Variants in ZFPM1 observed in about 807,000 individuals in gnomAD.
ZFPM1 encodes the protein zinc finger protein, FOG family member 1.
In ZFPM1, 28 loss-of-function variants were observed where a neutral mutation model predicts 46.3. The ratio of observed to expected loss-of-function variants is 0.60; its 90% CI spans 0.45 to 0.83. ZFPM1 has a LOEUF of 0.83. Ranked by LOEUF, ZFPM1 falls within the 40% of genes least tolerant of loss-of-function variation. ZFPM1 has a pLI of 0.00. For synonymous variants in ZFPM1, 957 were observed against 675.9 expected, an observed-to-expected ratio of 1.42 and a Z score of -6.45; for missense variants, 1,878 against 1,432.4, an observed-to-expected ratio of 1.31 and a Z score of -5.02.
chr16:88,531,961 G>A, intron 6 of ZFPM1, 41 bp from the exon 7 acceptor site: 2 of 1,545,700 alleles, frequency 1.3e-6, no homozygotes, highest in Non-Finnish European at 1.8e-6. Flanking sequence ...TGGCTGGCAG[G>A]CTGGCCTTCA....
At chr16:88,483,880 G>A (rs1597241037) in intron 1 of ZFPM1, among the ~76,000 whole-genome samples, 1 of 152,230 alleles carries the variant, frequency 6.6e-6, no homozygotes, top group East Asian at 1.9e-4. Context: ...CCGCCTCCCT[G>A]CTGCATGGAA....
In ZFPM1 at chr16:88,526,930, G is replaced by A. The variant is rs908176877; in HGVS notation, c.505+14G>A. 8.7e-5 allele frequency: 136 copies of A among 1,555,816 alleles called. No homozygotes were observed. Among genetic ancestry groups the A allele is most frequent in the Middle Eastern group, 6.7e-4 (4 of 6,010 alleles). ...TCCACAGGAAGGGTCAGTATGACGC[G>A]GCACCTCCGTCCCAAGCCTTCCGGA... On this transcript the variant is annotated intron_variant, in intron 5 of 9. Transcript: ENST00000319555.
intron 1 of ZFPM1, among the ~76,000 whole-genome samples, chr16:88,474,394 T>A (rs1056954865): frequency 6.6e-6 from 1 of 152,054 alleles, no homozygotes; most frequent in African/African-American, 2.4e-5. Context: ...CCGGCCAGGG[T>A]TCCCCCAGCA....
chr16:88,476,345 C>T (rs1309194317), intron 1 of ZFPM1, among the ~76,000 whole-genome samples: 1 of 152,220 alleles, frequency 6.6e-6, no homozygotes, highest in Non-Finnish European at 1.5e-5. Context: ...TGTCCATCAG[C>T]ATTTGCTGGG....
chr16:88,486,110 C>T (rs1271770885), intron 2 of ZFPM1, 67 bp downstream of exon 2: 3 of 1,473,154 alleles, frequency 2.0e-6, no homozygotes, highest in African/African-American at 2.8e-5. Flanking sequence ...CGTACCATGC[C>T]CTCAGAGCTC....
intron 3 of ZFPM1, among the ~76,000 whole-genome samples, chr16:88,491,658 G>A (rs570961088): frequency 3.2e-4 from 48 of 152,336 alleles, no homozygotes; most frequent in African/African-American, 9.6e-4. Flanking sequence ...GGGAAGGGCC[G>A]GGCCCCTGAG....
intron 3 of ZFPM1, among the ~76,000 whole-genome samples, chr16:88,490,650 C>G (rs980223146): frequency 6.6e-6 from 1 of 152,194 alleles, no homozygotes; most frequent in Admixed American, 6.5e-5. Context: ...TTAACGCTGC[C>G]CCTTCCCACA....
In ZFPM1 at chr16:88,480,961, C is replaced by T. The variant is rs1006841922; in HGVS notation, c.41-4978C>T. On this transcript the variant is annotated intron_variant, in intron 1 of 9. Coordinates refer to ENST00000319555, the MANE Select transcript of ZFPM1 (RefSeq NM_153813.3). The surrounding 1 kb of genome is among the most constrained non-coding windows in gnomAD (Gnocchi z 4.9). ...ACTTGGAAGGGAGCTGGGATCATCCCGCTGCACAGAGCCAGCTCCATAATT... is the reference window on the plus strand; with the variant it reads ...ACTTGGAAGGGAGCTGGGATCATCCTGCTGCACAGAGCCAGCTCCATAATT... Among the ~76,000 whole-genome samples, 1 of 152,204 alleles carries T rather than the reference C, an allele frequency of 6.6e-6. No homozygotes were observed. Among genetic ancestry groups the T allele is most frequent in the African/African-American group, 2.4e-5 (1 of 41,446 alleles).
intron 3 of ZFPM1, among the ~76,000 whole-genome samples, chr16:88,491,016 CGGG>C (rs1909536167): frequency 2.0e-5 from 3 of 151,028 alleles, no homozygotes; most frequent in African/African-American, 7.3e-5. Flanking sequence ...CTGGTGCCTT[CGGG>C]GCTCTCGGTC....
chr16:88,489,458 A>G, intron 3 of ZFPM1: 1 of 337,590 alleles, frequency 3.0e-6, no homozygotes, highest in Non-Finnish European at 5.4e-6. Flanking sequence ...AAGAATCCTC[A>G]GAGGCAGGAA....
chr16:88,489,542 C>T lies in ZFPM1; in HGVS notation c.268+389C>T, dbSNP rs557773394. ...TGGCCTTCCCAGCTGGGCCGGGATTCAGAGCTGTGCTGAGGTGCCCAGGCA... is the reference window on the plus strand; with the variant it reads ...TGGCCTTCCCAGCTGGGCCGGGATTTAGAGCTGTGCTGAGGTGCCCAGGCA... On this transcript the variant is annotated intron_variant, in intron 3 of 9. Coordinates refer to ENST00000319555, the MANE Select transcript of ZFPM1 (RefSeq NM_153813.3). 1.8e-3 allele frequency among the ~76,000 whole-genome samples: 281 copies of T among 152,304 alleles called. 1 individual carries two copies. Among genetic ancestry groups the T allele is most frequent in the African/African-American group, 6.4e-3 (264 of 41,564 alleles).
chr16:88,527,606 C>G (rs148889494), intron 5 of ZFPM1, among the ~76,000 whole-genome samples: 8 of 152,148 alleles, frequency 5.3e-5, no homozygotes, highest in Non-Finnish European at 8.8e-5. Context: ...CCCGCGCAGC[C>G]TGGGCTTTGT....
chr16:88,466,923 C>T (rs540494741), intron 1 of ZFPM1, among the ~76,000 whole-genome samples: 1 of 152,050 alleles, frequency 6.6e-6, no homozygotes, highest in East Asian at 1.9e-4. Context: ...GGTAAAGCAT[C>T]TGGGGCCCTT....
chr16:88,493,374 GGGGTGGGGAGAGCTGTCCCA>G (rs1413935622), intron 3 of ZFPM1, among the ~76,000 whole-genome samples: 1 of 144,526 alleles, frequency 6.9e-6, no homozygotes, highest in Non-Finnish European at 1.5e-5. Flanking sequence ...GAGCTGTCCC[GGGGTGGGGAGAGCTGTCCCA>G]GGGTGCAGGA....
intron 1 of ZFPM1, among the ~76,000 whole-genome samples, chr16:88,474,473 G>A (rs1030571823): frequency 2.6e-5 from 4 of 152,076 alleles, no homozygotes; most frequent in Non-Finnish European, 4.4e-5. Flanking sequence ...GGCTTCTCAC[G>A]GTGCCCAGAA....
At chr16:88,493,761 C>G (rs1280059376) in intron 3 of ZFPM1, among the ~76,000 whole-genome samples, 1 of 152,112 alleles carries the variant, frequency 6.6e-6, no homozygotes, top group Non-Finnish European at 1.5e-5. Flanking sequence ...CCACCCCAGC[C>G]CCTTCCTGGC....
chr16:88,515,906 A>G (rs1911268198), intron 4 of ZFPM1, among the ~76,000 whole-genome samples: 1 of 152,118 alleles, frequency 6.6e-6, no homozygotes, highest in Non-Finnish European at 1.5e-5. Context: ...TATGGTTGCC[A>G]GGAGGAATGA....
chr16:88,498,780 T>C (rs1169663700), intron 3 of ZFPM1, among the ~76,000 whole-genome samples: 1 of 152,230 alleles, frequency 6.6e-6, no homozygotes, highest in Non-Finnish European at 1.5e-5. Context: ...GGCCTGCGGC[T>C]GCAGAGGGTG....
chr16:88,526,524 C>T (rs35195917), intron 4 of ZFPM1, among the ~76,000 whole-genome samples: 25,901 of 152,056 alleles, frequency 0.17, 2,472 homozygotes, highest in East Asian at 0.42. Context: ...GCATGTTGCT[C>T]GACCTCTTTG....
Sources: gnomAD v4.1 joint callset for allele counts (sites outside exome capture counted in the v4.1 genomes callset) on GRCh38, gnomAD v4.1.1 for gene constraint, Gnocchi (gnomAD v3.1) non-coding constraint, MANE v1.5 for transcripts, NCBI Gene and HGNC (gene_info 2026-07-23, HGNC 2026-07-21) for gene names.